LIPE: variants seen among roughly 807,000 people sequenced by gnomAD.
LIPE encodes lipase E, hormone sensitive type.
A neutral mutation model predicts 88.5 loss-of-function variants in LIPE; 66 were observed. The observed-to-expected ratio is 0.75, with a 90% CI of 0.61 to 0.91. The LOEUF (loss-of-function observed/expected upper bound fraction) is 0.91. Among genes scored for constraint, LIPE ranks in the 40% least tolerant of loss-of-function variants. LIPE has a pLI of 0.00. For missense variants in LIPE, 1,346 were observed against 1,434.7 expected (o/e 0.94, Z 1.00); for synonymous variants, 570 against 617.5 (o/e 0.92, Z 1.14).
rs1476355806 is a variant in LIPE, at chr19:42,426,566, T to G, written c.584A>C (p.Lys195Thr). The change falls in exon 1 of 10, where the codon AAA (lysine) becomes ACA (threonine). Residue 195 changes from lysine (K) to threonine (T), a missense_variant. By Grantham distance (78) the Lys-to-Thr change is moderately conservative. Transcript: ENST00000244289. ...CTCTGTCAAAGATCCCTGCTTGGAT[T>G]TGGCTCCCTGGACTGGCGTTGTTTG... ...DKQTTPVQGA[K>T]SKQGSLTELG... 2 of 1,614,110 alleles carry G rather than the reference T, an allele frequency of 1.2e-6. No homozygotes were observed. The highest frequency in any genetic ancestry group is 1.1e-5 in the South Asian group (1 of 91,090).
chr19:42,404,725 G>A (rs185466407), intron 8 of LIPE, among the ~76,000 whole-genome samples: 67 of 152,316 alleles, frequency 4.4e-4, no homozygotes, highest in Non-Finnish European at 7.9e-4. Flanking sequence ...AACTACTTAA[G>A]TACTTTGTGG....
At chr19:42,412,366 C>T in intron 1 of LIPE, 1 of 985,816 alleles carries the variant, frequency 1.0e-6, no homozygotes, top group Non-Finnish European at 1.2e-6. Flanking sequence ...GACACTCACC[C>T]CTCCTAGGCA....
At position 42,426,611 on chromosome 19, in the gene LIPE, G is replaced by A; in HGVS notation, c.539C>T (p.Thr180Ile). Residue 180 changes from threonine (T) to isoleucine (I), a missense_variant, in exon 1 of 10, where the codon ACA (threonine) becomes ATA (isoleucine). Coordinates refer to ENST00000244289, the MANE Select transcript of LIPE (RefSeq NM_005357.4). ...SAPTESTSQE[T>I]PEQSDKQTTP... ...TGTTTGCTTGTCTGACTGTTCAGGT[G>A]TCTCTTGGGACGTAGATTCAGTCGG... 2 of 1,614,208 alleles carry A rather than the reference G, an allele frequency of 1.2e-6. No homozygotes were observed. Among genetic ancestry groups the A allele is most frequent in the Non-Finnish European group, 1.7e-6 (2 of 1,180,050 alleles).
chr19:42,403,605 G>A (rs1199068266), intron 8 of LIPE, among the ~76,000 whole-genome samples: 1 of 151,718 alleles, frequency 6.6e-6, no homozygotes, highest in Non-Finnish European at 1.5e-5. Flanking sequence ...GTGCCACCAT[G>A]CCCGGCTAAT....
Position 42,401,563 on chromosome 19 carries a change from G to A in LIPE, c.*249C>T. ...AAACCAAACCGACCTGCAAGGGAGG[G>A]CCAGTCCCCGTCCCTGCGGCGGTCG... On this transcript the variant is annotated 3_prime_UTR_variant, in exon 10 of 10. Transcript: ENST00000244289. The A allele has an allele frequency of 4.1e-6, 2 of 487,736 alleles. No individual in the cohort carries two copies. The highest frequency in any genetic ancestry group is 6.5e-5 in the South Asian group (2 of 30,856). The allele number at this position is 487,736 out of a possible 1,614,324, so 30.2% of individuals were successfully genotyped here.
intron 8 of LIPE, among the ~76,000 whole-genome samples, chr19:42,404,245 T>C (rs1451768090): frequency 6.6e-6 from 1 of 151,480 alleles, no homozygotes; most frequent in East Asian, 1.9e-4. Flanking sequence ...GTATTTTTTT[T>C]TTTTTTGAGA....
At chr19:42,403,174 G>A in intron 8 of LIPE, 143 bp from the exon 9 acceptor site, 1 of 812,454 alleles carries the variant, frequency 1.2e-6, no homozygotes. Context: ...GGGATGGGTG[G>A]AGTTCCAGAT....
Position 42,406,752 on chromosome 19 carries a change from A to G in LIPE, c.2138-364T>C, listed in dbSNP as rs562412955. 2.0e-5 allele frequency among the ~76,000 whole-genome samples: 3 copies of G among 152,256 alleles called. No homozygotes were observed. Among genetic ancestry groups the G allele is most frequent in the Admixed American group, 6.5e-5 (1 of 15,296 alleles). On this transcript the variant is annotated intron_variant, in intron 6 of 9. Transcript: ENST00000244289. This position sits in a 1 kb window ranked among gnomAD's most constrained non-coding sequence, Gnocchi z 5.7. ...TGGAAGGTCAGGGTTCAGGGTCAGT[A>G]CAGAGGGGCTGGGCTGCAAGCTCTG...
intron 8 of LIPE, among the ~76,000 whole-genome samples, chr19:42,403,645 G>T (rs961969722): frequency 3.3e-5 from 5 of 151,874 alleles, no homozygotes; most frequent in African/African-American, 2.4e-5. Context: ...CAGAGATGGG[G>T]TTTCGCCATG....
intron 7 of LIPE, 136 bp from the exon 8 acceptor site, chr19:42,405,697 C>A (rs1386876307): frequency 1.2e-6 from 1 of 824,942 alleles, no homozygotes. Context: ...AGGCTGGGCG[C>A]AGTGGCTCAC....
rs776627083 is a variant in LIPE, at chr19:42,426,941, TC to T, written c.208del (p.Glu70AsnfsTer50). The T allele has an allele frequency of 3.7e-6, 6 of 1,614,160 alleles. No homozygotes were observed. The African/African-American group carries it at 8.0e-5, about 22-fold the overall frequency. On this transcript the variant is annotated frameshift_variant, in exon 1 of 10. Coordinates refer to ENST00000244289, the MANE Select transcript of LIPE (RefSeq NM_005357.4). LOFTEE classifies it high-confidence loss of function. Reference protein sequence around the residue: ...QQETPAQHDAESQKEPRAQQK... With the variant: ...QQETPAQHDAXSQKEPRAQQK... ...TTGGGCTCTAGGTTCCTTCTGGGAT[TC>T]AGCATCATGTTGTGCAGGGGTCTCC... is the stretch of plus-strand genomic sequence containing the variant.
Position 42,407,840 on chromosome 19 carries a change from G to A in LIPE, c.1657-49C>T. 6.5e-7 allele frequency: 1 copy of A among 1,546,598 alleles called. No individual in the cohort carries two copies. The highest frequency in any genetic ancestry group is 8.7e-7 in the Non-Finnish European group (1 of 1,145,948). On this transcript the variant is annotated intron_variant, in intron 4 of 9. Transcript: ENST00000244289. The surrounding 1 kb of genome is among the most constrained non-coding windows in gnomAD (Gnocchi z 5.8). The stretch of plus-strand genomic sequence containing the variant: ...TGCTAGGGAAGGTCTGCCTGCAGGG[G>A]TGCCCTTCACCTCTCCCTCTGATCC...
In LIPE at chr19:42,402,784, G is replaced by A. The variant is rs1441118666; in HGVS notation, c.2790C>T (p.Pro930=). 1 of 1,608,998 alleles carries A rather than the reference G, an allele frequency of 6.2e-7. No homozygotes were observed. The part of the protein sequence containing the change: ...EEAEAKNELS[P]MDRGLGVRAA... Reference sequence around the variant, plus strand: ...CACGGACGCCCAGGCCTCTGTCCATGGGGCTCAGCTCATTTTTGGCCTCAG... The same window carrying A: ...CACGGACGCCCAGGCCTCTGTCCATAGGGCTCAGCTCATTTTTGGCCTCAG... Residue 930 remains proline, a synonymous_variant, in exon 9 of 10, where the codon CCC becomes CCT. Transcript: ENST00000244289.
intron 1 of LIPE, chr19:42,424,159 T>C (rs1351752221): frequency 8.7e-6 from 10 of 1,154,128 alleles, no homozygotes; most frequent in Admixed American, 6.3e-5. Context: ...TGGGGGATCT[T>C]TCTCCCTCTG....
At chr19:42,416,151 T>C (rs2040482921) in intron 1 of LIPE, among the ~76,000 whole-genome samples, 1 of 152,094 alleles carries the variant, frequency 6.6e-6, no homozygotes, top group South Asian at 2.1e-4. Flanking sequence ...GAAACCAGCC[T>C]GACCAACATG....
chr19:42,410,493 C>G lies in LIPE; in HGVS notation c.1233G>C (p.Glu411Asp). The G allele has an allele frequency of 6.2e-7, 1 of 1,613,884 alleles. No homozygotes were observed. Among genetic ancestry groups the G allele is most frequent in the Non-Finnish European group, 8.5e-7 (1 of 1,180,024 alleles). ...IFFRTSHNLA[E>D]LEAYLAALTQ... ...TGAGGGCAGCCAGGTAGGCCTCCAG[C>G]TCGGCCAGGTTGTGGCTGGTGCGGA... Residue 411 changes from glutamate to aspartate, a missense_variant, in exon 2 of 10, where the codon GAG becomes GAC. Physicochemically the swap from Glu to Asp is conservative, Grantham distance 45. Coordinates refer to ENST00000244289, the MANE Select transcript of LIPE (RefSeq NM_005357.4). The surrounding 1 kb of genome is among the most constrained non-coding windows in gnomAD (Gnocchi z 6.1).
intron 1 of LIPE, chr19:42,412,398 G>A (rs1442457273): frequency 6.1e-6 from 6 of 985,826 alleles, no homozygotes; most frequent in Non-Finnish European, 7.2e-6. Context: ...TCCCTGGGCT[G>A]GGACTGCTGG....
At chr19:42,424,460 ACTGTG>A (rs995385000) in intron 1 of LIPE, 4 of 455,878 alleles carry the variant, frequency 8.8e-6, no homozygotes, top group Non-Finnish European at 1.8e-5. Context: ...ATCCCTTGAG[ACTGTG>A]CTCTGGAGGC....
At chr19:42,415,256 T>C (rs2040464242) in intron 1 of LIPE, among the ~76,000 whole-genome samples, 1 of 151,598 alleles carries the variant, frequency 6.6e-6, no homozygotes, top group Non-Finnish European at 1.5e-5. Flanking sequence ...AGATGAAAAA[T>C]AGAATAAAAT....
Sources: allele counts gnomAD v4.1 joint callset (sites outside exome capture counted in the v4.1 genomes callset), GRCh38; gene constraint gnomAD v4.1.1; non-coding constraint Gnocchi (gnomAD v3.1); transcripts MANE v1.5; gene names NCBI Gene and HGNC (gene_info 2026-07-23, HGNC 2026-07-21).